The following GALNT17 variants were observed in gnomAD, a reference collection of about 807,000 sequenced individuals.
GALNT17 encodes the protein UDP-GalNAc:polypeptide N-acetylgalactosaminyltransferase-like 3.
A neutral mutation model predicts 63.7 loss-of-function variants in GALNT17; 29 were observed. The ratio of observed to expected loss-of-function variants is 0.46; its 90% CI spans 0.34 to 0.62. GALNT17 has a LOEUF of 0.62. Ranked by LOEUF, GALNT17 falls within the 20% of genes least tolerant of loss-of-function variation. The pLI is 0.01. For synonymous variants in GALNT17, 305 were observed against 318.3 expected, an observed-to-expected ratio of 0.96 and a Z score of 0.45; for missense variants, 603 against 799.6, an observed-to-expected ratio of 0.75 and a Z score of 2.97.
Position 71,356,421 on chromosome 7 carries a change from C to G in GALNT17, c.422+20688C>G, listed in dbSNP as rs555883576. Among the ~76,000 whole-genome samples, 25 of 152,288 alleles carry G rather than the reference C, an allele frequency of 1.6e-4. No homozygotes were observed. In the East Asian group the frequency reaches 3.9e-3, roughly 23 times the overall value. ...AAAGAGGTTTAACTGGCTCACAGTT[C>G]TACAGGCTATACAAGCATGACACCA... On this transcript the variant is annotated intron_variant, in intron 2 of 10. Coordinates refer to ENST00000333538, the MANE Select transcript of GALNT17 (RefSeq NM_022479.3).
chr7:71,197,460 G>A (rs1202652), intron 1 of GALNT17, among the ~76,000 whole-genome samples: 22,192 of 150,926 alleles, frequency 0.15, 1,669 homozygotes, highest in East Asian at 0.24. Flanking sequence ...CGCCCATCTC[G>A]GCCTCCCAAA....
At chr7:71,413,298 A>AT (rs1271375735) in intron 3 of GALNT17, among the ~76,000 whole-genome samples, 2 of 151,628 alleles carry the variant, frequency 1.3e-5, no homozygotes, top group South Asian at 2.1e-4. Flanking sequence ...CTCCGTGACC[A>AT]TTTTTTTTGG....
intron 1 of GALNT17, among the ~76,000 whole-genome samples, chr7:71,255,493 C>G (rs1042835491): frequency 2.0e-5 from 3 of 152,198 alleles, no homozygotes; most frequent in Non-Finnish European, 2.9e-5. Flanking sequence ...TGAAAATTGA[C>G]TAACACAGGA....
chr7:71,231,552 TC>T, intron 1 of GALNT17, among the ~76,000 whole-genome samples: 1 of 152,116 alleles, frequency 6.6e-6, no homozygotes, highest in South Asian at 2.1e-4. Context: ...GACATCTTTT[TC>T]CCCCATGATT....
At chr7:71,360,395 A>T (rs889532966) in intron 2 of GALNT17, among the ~76,000 whole-genome samples, 8 of 152,288 alleles carry the variant, frequency 5.3e-5, no homozygotes, top group African/African-American at 1.9e-4. Context: ...GAAGCAAGAA[A>T]CCCAGAAGGA....
chr7:71,557,137 C>T (rs931592600), intron 5 of GALNT17, among the ~76,000 whole-genome samples: 2 of 150,856 alleles, frequency 1.3e-5, no homozygotes, highest in East Asian at 3.9e-4. Context: ...AGCAGTCCTT[C>T]TACCTCAGCC....
intron 1 of GALNT17, among the ~76,000 whole-genome samples, chr7:71,286,778 ATGTTTTTGTTT>A (rs1790882372): frequency 7.3e-6 from 1 of 136,962 alleles, no homozygotes; most frequent in Admixed American, 7.3e-5. Context: ...TTTGTTTGTT[ATGTTTTTGTTT>A]GTTTGTTTGT....
At chr7:71,574,411 G>A (rs1181094382) in intron 6 of GALNT17, among the ~76,000 whole-genome samples, 1 of 152,148 alleles carries the variant, frequency 6.6e-6, no homozygotes, top group East Asian at 1.9e-4. Flanking sequence ...GGTCATAGAT[G>A]TCACTCCAGA....
At chr7:71,575,711 G>C (rs1789526666) in intron 6 of GALNT17, among the ~76,000 whole-genome samples, 1 of 151,938 alleles carries the variant, frequency 6.6e-6, no homozygotes, top group Admixed American at 6.6e-5. Flanking sequence ...ACCAAGAAAT[G>C]GCTCAATCTG....
chr7:71,207,468 G>A (rs1300548956), intron 1 of GALNT17, among the ~76,000 whole-genome samples: 1 of 152,162 alleles, frequency 6.6e-6, no homozygotes, highest in African/African-American at 2.4e-5. Context: ...TGATGTGGGA[G>A]GAAGATACCG....
chr7:71,484,211 G>C (rs2116651562), intron 5 of GALNT17, among the ~76,000 whole-genome samples: 1 of 152,336 alleles, frequency 6.6e-6, no homozygotes, highest in East Asian at 1.9e-4. Flanking sequence ...TACCGGGCCA[G>C]ATGCGGTGGC....
intron 1 of GALNT17, among the ~76,000 whole-genome samples, chr7:71,169,763 C>G (rs1323296985): frequency 6.6e-6 from 1 of 152,088 alleles, no homozygotes; most frequent in African/African-American, 2.4e-5. Context: ...ACCATGTTGT[C>G]CAGGCTGGTC....
intron 5 of GALNT17, among the ~76,000 whole-genome samples, chr7:71,525,981 C>G (rs1788617631): frequency 6.6e-6 from 1 of 151,966 alleles, no homozygotes; most frequent in African/African-American, 2.4e-5. Context: ...CTCAAGTGAT[C>G]CACCTGCCTC....
At chr7:71,177,274 A>G (rs71549393) in intron 1 of GALNT17, among the ~76,000 whole-genome samples, 1,816 of 152,218 alleles carry the variant, frequency 0.012, 21 homozygotes, top group South Asian at 0.024. Context: ...GGACAGAGCC[A>G]TATGTCCTTG....
intron 3 of GALNT17, among the ~76,000 whole-genome samples, chr7:71,402,929 G>C (rs1422251276): frequency 1.3e-5 from 2 of 152,102 alleles, no homozygotes; most frequent in Non-Finnish European, 2.9e-5. Context: ...AACATCACCT[G>C]CCTTCCCCCC....
chr7:71,361,070 G>A (rs1792391751), intron 2 of GALNT17, among the ~76,000 whole-genome samples: 1 of 152,152 alleles, frequency 6.6e-6, no homozygotes, highest in Admixed American at 6.5e-5. Context: ...GAATAAATAT[G>A]TAACTGAATG....
intron 5 of GALNT17, among the ~76,000 whole-genome samples, chr7:71,451,839 A>G (rs1487262527): frequency 2.0e-5 from 3 of 151,998 alleles, no homozygotes; most frequent in Admixed American, 6.6e-5. Context: ...AACCAAATCA[A>G]TTTTTTAAAT....
chr7:71,218,870 C>T (rs906571078), intron 1 of GALNT17, among the ~76,000 whole-genome samples: 3 of 151,988 alleles, frequency 2.0e-5, no homozygotes, highest in Admixed American at 1.3e-4. Flanking sequence ...TGCAGGAAAA[C>T]AAGCTCAGGG....
At chr7:71,185,467 C>T (rs1463117722) in intron 1 of GALNT17, among the ~76,000 whole-genome samples, 2 of 150,984 alleles carry the variant, frequency 1.3e-5, no homozygotes, top group Non-Finnish European at 2.9e-5. Context: ...CAAAGTGCTG[C>T]GATTACAGGC....
Sources: gnomAD v4.1 joint callset for allele counts (sites outside exome capture counted in the v4.1 genomes callset) on GRCh38, gnomAD v4.1.1 for gene constraint, MANE v1.5 for transcripts, NCBI Gene and HGNC (gene_info 2026-07-23, HGNC 2026-07-21) for gene names.